The following QTRT1 variants were observed in gnomAD, a reference collection of about 807,000 sequenced individuals.
QTRT1 encodes the protein queuine tRNA-ribosyltransferase catalytic subunit 1, also known as TGT, 43-KD subunit.
Under a neutral mutation model 44.0 loss-of-function variants are expected in QTRT1, and 41 were observed. The ratio of observed to expected loss-of-function variants is 0.93; its 90% CI spans 0.73 to 1.21. QTRT1 has a LOEUF of 1.21. Ranked by LOEUF, QTRT1 falls within the 50% of genes most tolerant of loss-of-function variation. The probability of loss-of-function intolerance (pLI) is 0.00; values close to 1 mark genes in which losing one functional copy is unlikely to be tolerated. For synonymous variants in QTRT1, 226 were observed against 237.1 expected (o/e 0.95, Z 0.43); for missense variants, 542 against 575.8 (o/e 0.94, Z 0.60).
chr19:10,708,686 A>G (rs372464626), intron 5 of QTRT1, among the ~76,000 whole-genome samples: 1 of 148,832 alleles, frequency 6.7e-6, no homozygotes, highest in Non-Finnish European at 1.5e-5. Context: ...GCATGTAAAC[A>G]CCCTGTGTCC....
chr19:10,701,603 TG>T lies in QTRT1; in HGVS notation c.146del (p.Gly49AlafsTer6). The T allele has an allele frequency of 1.2e-6, 2 of 1,607,912 alleles. No individual in the cohort carries two copies. The highest frequency in any genetic ancestry group is 1.7e-6 in the Non-Finnish European group (2 of 1,178,376). On this transcript the variant is annotated frameshift_variant, in exon 1 of 10. Coordinates refer to ENST00000250237, the MANE Select transcript of QTRT1 (RefSeq NM_031209.3). LOFTEE classifies it high-confidence loss of function. ...GTGGCCACTCCTGTGTTCATGCCAG[TG>T]GGCACGCAGGCCACCATGAAGGGCA... ...GTVATPVFMP[V>X]GTQATMKGIT...
Position 10,713,190 on chromosome 19 carries a change from G to A in QTRT1, c.1132G>A (p.Gly378Ser). The change falls in exon 10 of 10, where the codon GGC (glycine) becomes AGC (serine). Residue 378 changes from glycine to serine, a missense_variant. Coordinates refer to ENST00000250237, the MANE Select transcript of QTRT1 (RefSeq NM_031209.3). This position sits in a 1 kb window ranked among gnomAD's most constrained non-coding sequence, Gnocchi z 4.3. ...RFPDFVRDFM[G>S]AMYGDPTLCP... ...CCCGGACTTCGTGCGGGACTTCATGGGCGCCATGTACGGGGATCCCACCCT... is the reference window on the plus strand; with the variant it reads ...CCCGGACTTCGTGCGGGACTTCATGAGCGCCATGTACGGGGATCCCACCCT... 2 of 1,609,694 alleles carry A rather than the reference G, an allele frequency of 1.2e-6. No individual in the cohort carries two copies. The highest frequency in any genetic ancestry group is 1.7e-6 in the Non-Finnish European group (2 of 1,178,078).
chr19:10,708,196 C>G (rs1028633595), intron 5 of QTRT1, among the ~76,000 whole-genome samples: 2 of 152,154 alleles, frequency 1.3e-5, no homozygotes, highest in South Asian at 2.1e-4. Context: ...AACTCCTGAC[C>G]TTGTGATCTG....
At chr19:10,705,604 C>G (rs932829124) in intron 3 of QTRT1, among the ~76,000 whole-genome samples, 21 of 150,732 alleles carry the variant, frequency 1.4e-4, no homozygotes, top group Admixed American at 2.6e-4. Flanking sequence ...GGTGCAATCT[C>G]GGCTCACTGC....
At chr19:10,705,408 T>G (rs2068708742) in intron 3 of QTRT1, among the ~76,000 whole-genome samples, 1 of 151,206 alleles carries the variant, frequency 6.6e-6, no homozygotes. Context: ...CTGGCTAGTT[T>G]TTATATTTTT....
chr19:10,705,194 C>A (rs1372828507), intron 3 of QTRT1, among the ~76,000 whole-genome samples: 1 of 150,590 alleles, frequency 6.6e-6, no homozygotes, highest in Non-Finnish European at 1.5e-5. Flanking sequence ...GGATTACAGG[C>A]GTGAGCCACC....
At chr19:10,710,209 G>GAA (rs2068732254) in intron 5 of QTRT1, among the ~76,000 whole-genome samples, 1 of 151,870 alleles carries the variant, frequency 6.6e-6, no homozygotes, top group Non-Finnish European at 1.5e-5. Flanking sequence ...AAAGAAAAGA[G>GAA]AAAAAACTTA....
chr19:10,712,024 GCT>G lies in QTRT1; in HGVS notation c.647-134_647-133del. 1.8e-6 allele frequency: 2 copies of G among 1,088,160 alleles called. No individual in the cohort carries two copies. Among genetic ancestry groups the G allele is most frequent in the East Asian group, 4.8e-5 (2 of 41,442 alleles). The allele number at this position is 1,088,160 out of a possible 1,614,324, so 67.4% of individuals were successfully genotyped here. The stretch of plus-strand genomic sequence containing the variant: ...CTCTCCGTCTCCCTCTCCGTCTCTG[GCT>G]CTGTCTGTCTGTCTCTGTCTGTTTC... On this transcript the variant is annotated intron_variant, in intron 5 of 9. Transcript: ENST00000250237. This position sits in a 1 kb window ranked among gnomAD's most constrained non-coding sequence, Gnocchi z 5.6.
intron 3 of QTRT1, among the ~76,000 whole-genome samples, chr19:10,704,669 C>T (rs1397448283): frequency 6.7e-6 from 1 of 149,796 alleles, no homozygotes; most frequent in Non-Finnish European, 1.5e-5. Flanking sequence ...CTCACAGCAA[C>T]CTCTGCCTCC....
chr19:10,709,537 C>A (rs1435305935), intron 5 of QTRT1, among the ~76,000 whole-genome samples: 2 of 152,124 alleles, frequency 1.3e-5, no homozygotes, highest in South Asian at 2.1e-4. Context: ...CATGGTAAAA[C>A]CCCGTTTCTA....
chr19:10,701,470 G>C lies in QTRT1; in HGVS notation c.10G>C (p.Ala4Pro), dbSNP rs181204668. ...GGTTCCGACAGTCAAGATGGCGGGA[G>C]CAGCTACCCAGGCTTCCCTGGAGTC... MAG[A>P]ATQASLESAP... Residue 4 changes from alanine to proline, a missense_variant, in exon 1 of 10, where the codon GCA (alanine) becomes CCA (proline). Transcript: ENST00000250237. 3.2e-6 allele frequency: 5 copies of C among 1,549,738 alleles called. No individual in the cohort carries two copies. The Admixed American group carries it at 9.3e-5, about 29-fold the overall frequency.
chr19:10,703,288 C>T (rs1339291268), intron 3 of QTRT1, among the ~76,000 whole-genome samples: 1 of 151,738 alleles, frequency 6.6e-6, no homozygotes, highest in Non-Finnish European at 1.5e-5. Flanking sequence ...TCTCAAACTC[C>T]GGACCTCAGG....
chr19:10,706,710 C>T (rs2068715343), intron 3 of QTRT1: 1 of 148,820 alleles, frequency 6.7e-6, no homozygotes, highest in African/African-American at 2.5e-5. Flanking sequence ...TTTAACACAG[C>T]CTTGCTCTGT....
intron 5 of QTRT1, among the ~76,000 whole-genome samples, chr19:10,709,717 C>G (rs577417241): frequency 6.6e-6 from 1 of 152,068 alleles, no homozygotes; most frequent in African/African-American, 2.4e-5. Flanking sequence ...GGCGTGGTGG[C>G]GGGCGCCTGT....
Position 10,702,111 on chromosome 19 carries a change from C to A in QTRT1, c.313-5C>A, listed in dbSNP as rs2068691929. The stretch of plus-strand genomic sequence containing the variant: ...CTGACAGCTTTGCGGTGGGGTTTCC[C>A]TTAGGACAGCGGCGGTTTCCAGATG... On this transcript the variant is annotated splice_polypyrimidine_tract_variant and splice_region_variant and intron_variant, in intron 2 of 9. Coordinates refer to ENST00000250237, the MANE Select transcript of QTRT1 (RefSeq NM_031209.3). 2 of 1,613,976 alleles carry A rather than the reference C, an allele frequency of 1.2e-6. No individual in the cohort carries two copies. Among genetic ancestry groups the A allele is most frequent in the African/African-American group, 2.7e-5 (2 of 74,886 alleles).
At chr19:10,703,067 CTTTTTTTTTTTTTT>C (rs35329214) in intron 3 of QTRT1, among the ~76,000 whole-genome samples, 2 of 43,012 alleles carry the variant, frequency 4.6e-5, no homozygotes, top group African/African-American at 2.6e-4. Context: ...CCACACCTGG[CTTTTTTTTTTTTTT>C]TTTTTTTTTG....
At chr19:10,706,434 G>T (rs1208014347) in intron 3 of QTRT1, among the ~76,000 whole-genome samples, 1 of 152,054 alleles carries the variant, frequency 6.6e-6, no homozygotes, top group Non-Finnish European at 1.5e-5. Flanking sequence ...GTACAGTGGT[G>T]CAATCTTAGC....
chr19:10,710,462 A>T (rs886740925), intron 5 of QTRT1, among the ~76,000 whole-genome samples: 4 of 151,938 alleles, frequency 2.6e-5, no homozygotes, highest in Admixed American at 1.3e-4. Context: ...GATTACAGGC[A>T]CCAGCCACCA....
At chr19:10,710,306 T>C (rs1379210766) in intron 5 of QTRT1, among the ~76,000 whole-genome samples, 33 of 152,112 alleles carry the variant, frequency 2.2e-4, no homozygotes, top group Admixed American at 2.2e-3. Flanking sequence ...TTCACATATT[T>C]TTATTTTTAT....
Sources: gnomAD v4.1 joint callset for allele counts (sites outside exome capture counted in the v4.1 genomes callset) on GRCh38, gnomAD v4.1.1 for gene constraint, Gnocchi (gnomAD v3.1) non-coding constraint, MANE v1.5 for transcripts, NCBI Gene and HGNC (gene_info 2026-07-23, HGNC 2026-07-21) for gene names.